The following FYCO1 variants were observed in gnomAD, a reference collection of about 807,000 sequenced individuals.
FYCO1 encodes FYVE and coiled-coil domain-containing protein 1.
A neutral mutation model predicts 165.1 loss-of-function variants in FYCO1; 122 were observed. The ratio of observed to expected loss-of-function variants is 0.74; its 90% CI spans 0.64 to 0.86. FYCO1 has a LOEUF of 0.86. Among genes scored for constraint, FYCO1 ranks in the 40% least tolerant of loss-of-function variants. FYCO1 has a pLI of 0.00. For synonymous variants in FYCO1, 648 were observed against 742.5 expected (o/e 0.87, Z 2.07); for missense variants, 1,702 against 1,810.3 (o/e 0.94, Z 1.09).
Position 45,931,098 on chromosome 3 carries a change from G to C in FYCO1, c.4224C>G (p.Ala1408=), listed in dbSNP as rs1371687015. ...TACACTGATCCAGCGGTGTGTCCTC[G>C]GCCTCCTGGAAGACCACACTGAAGG... The part of the protein sequence containing the change: ...SISFSVVFQE[A]EDTPLDQCKV... The change falls in exon 16 of 18, where the codon GCC becomes GCG. Residue 1408 remains alanine (A), a synonymous_variant. Coordinates refer to ENST00000296137, the MANE Select transcript of FYCO1 (RefSeq NM_024513.4). The C allele has an allele frequency of 6.2e-7, 1 of 1,613,750 alleles. No homozygotes were observed. The highest frequency in any genetic ancestry group is 1.1e-5 in the South Asian group (1 of 91,054).
intron 13 of FYCO1, 49 bp from the exon 14 acceptor site, chr3:45,955,442 T>A: frequency 1.2e-6 from 2 of 1,609,994 alleles, no homozygotes; most frequent in Non-Finnish European, 1.7e-6. Context: ...CACACTGTTA[T>A]GCATAGGCTG....
In FYCO1 at chr3:45,984,951, T is replaced by C; in HGVS notation, c.-41A>G. ...CTTGTCTGTATGTCTCCTGCCTGGG[T>C]CCAGAGGAAGGCTCAGAATTTCGGC... is the stretch of plus-strand genomic sequence containing the variant. On this transcript the variant is annotated 5_prime_UTR_variant, in exon 2 of 18. Coordinates refer to ENST00000296137, the MANE Select transcript of FYCO1 (RefSeq NM_024513.4). 6.2e-7 allele frequency: 1 copy of C among 1,610,388 alleles called. No homozygotes were observed. Among genetic ancestry groups the C allele is most frequent in the South Asian group, 1.1e-5 (1 of 90,988 alleles).
chr3:45,962,478 G>T lies in FYCO1; in HGVS notation c.3270-86C>A. 1 of 1,241,754 alleles carries T rather than the reference G, an allele frequency of 8.1e-7. No homozygotes were observed. The allele number at this position is 1,241,754 out of a possible 1,614,324, so 76.9% of individuals were successfully genotyped here. On this transcript the variant is annotated intron_variant, in intron 10 of 17. Transcript: ENST00000296137. This position sits in a 1 kb window ranked among gnomAD's most constrained non-coding sequence, Gnocchi z 4.4. ...AAGCTCACCCAGGACTCTAATGAGG[G>T]GTGCTACTGCCCTCCGCCATGGGGG...
chr3:45,973,060 T>C, intron 6 of FYCO1, 28 bp downstream of exon 6: 1 of 1,613,806 alleles, frequency 6.2e-7, no homozygotes, highest in Non-Finnish European at 8.5e-7. Context: ...TTTTCCTGTC[T>C]TTTAAACCAA....
At chr3:45,983,791 C>T (rs937277002) in intron 2 of FYCO1, among the ~76,000 whole-genome samples, 1 of 152,192 alleles carries the variant, frequency 6.6e-6, no homozygotes, top group African/African-American at 2.4e-5. Flanking sequence ...TGGTTAGGAG[C>T]ATAGACTGGT....
At chr3:45,990,922 G>A (rs550083771) in intron 1 of FYCO1, among the ~76,000 whole-genome samples, 25 of 152,106 alleles carry the variant, frequency 1.6e-4, no homozygotes, top group African/African-American at 4.6e-4. Flanking sequence ...ACAGGCGCAC[G>A]CCACCACGAC....
At chr3:45,921,897 G>T in intron 17 of FYCO1, 57 bp from the exon 18 acceptor site, 3 of 1,156,674 alleles carry the variant, frequency 2.6e-6, no homozygotes, top group Non-Finnish European at 1.3e-6. Context: ...AGTCCGAGGG[G>T]TGGCAGCTGC....
In FYCO1 at chr3:45,931,139, C is replaced by A. The variant is rs1559440934; in HGVS notation, c.4183G>T (p.Asp1395Tyr). 6.2e-7 allele frequency: 1 copy of A among 1,613,868 alleles called. No individual in the cohort carries two copies. The highest frequency in any genetic ancestry group is 8.5e-7 in the Non-Finnish European group (1 of 1,179,908). Residue 1395 changes from aspartate (D) to tyrosine (Y), a missense_variant, in exon 16 of 18, where the codon GAC (aspartate) becomes TAC (tyrosine). Coordinates refer to ENST00000296137, the MANE Select transcript of FYCO1 (RefSeq NM_024513.4). ...ACACTGAAGGAGATGCTCTTGGGGT[C>A]AGAGGAGAAGACCCAGCTGATGGTG... ...GLTISWVFSSDPKSISFSVVF... is the reference protein window; with the variant it reads ...GLTISWVFSSYPKSISFSVVF...
At chr3:45,923,805 T>A in intron 16 of FYCO1, 40 bp from the exon 17 acceptor site, 1 of 1,337,680 alleles carries the variant, frequency 7.5e-7, no homozygotes, top group Non-Finnish European at 1.1e-6. Flanking sequence ...TCACAGAGGC[T>A]GAGAGGGCCC....
intron 2 of FYCO1, among the ~76,000 whole-genome samples, chr3:45,983,114 G>T (rs1355526511): frequency 6.6e-6 from 1 of 152,216 alleles, no homozygotes; most frequent in African/African-American, 2.4e-5. Flanking sequence ...TGAGAAGTGG[G>T]TGTTATCATC....
rs772727364 is a variant in FYCO1 at position 45,967,214 on chromosome 3, C to T, written c.2120G>A (p.Gly707Asp). Residue 707 changes from glycine (G) to aspartate (D), a missense_variant, in exon 8 of 18, where the codon GGC (glycine) becomes GAC (aspartate). Transcript: ENST00000296137. The part of the protein sequence containing the change: ...EKEAILQSKE[G>D]ECQQLREEVE... ...CTCCTCCCGCAGCTGCTGACACTCGCCCTCCTTGCTCTGTAGAATGGCCTC... is the reference window on the plus strand; with the variant it reads ...CTCCTCCCGCAGCTGCTGACACTCGTCCTCCTTGCTCTGTAGAATGGCCTC... 6.2e-7 allele frequency: 1 copy of T among 1,614,054 alleles called. No homozygotes were observed. The highest frequency in any genetic ancestry group is 1.1e-5 in the South Asian group (1 of 91,086).
chr3:45,974,451 A>T (rs553186275), intron 5 of FYCO1, among the ~76,000 whole-genome samples: 1 of 152,244 alleles, frequency 6.6e-6, no homozygotes, highest in African/African-American at 2.4e-5. Context: ...TTCAGCTCAC[A>T]TCAATTCACA....
Position 45,962,157 on chromosome 3 carries a change from C to G in FYCO1, c.3437+68G>C. The G allele has an allele frequency of 6.6e-7, 1 of 1,522,796 alleles. No individual in the cohort carries two copies. The highest frequency in any genetic ancestry group is 9.1e-7 in the Non-Finnish European group (1 of 1,097,324). 94.3% of individuals were successfully genotyped at this position (1,522,796 alleles called of 1,614,324 possible). A position where few individuals can be genotyped will look rare whatever the true frequency, so the allele number is the denominator to read the frequency against. On this transcript the variant is annotated intron_variant, in intron 11 of 17. Transcript: ENST00000296137. This position sits in a 1 kb window ranked among gnomAD's most constrained non-coding sequence, Gnocchi z 4.4. The stretch of plus-strand genomic sequence containing the variant: ...TTCTGAAGTATGCTTTCAAGAACAG[C>G]TGCATTTCTTTAGAGAAAAACCCCA...
chr3:45,949,372 C>T (rs1187947939), intron 14 of FYCO1, among the ~76,000 whole-genome samples: 1 of 152,218 alleles, frequency 6.6e-6, no homozygotes, highest in Admixed American at 6.5e-5. Flanking sequence ...GACAGAGGGG[C>T]CACCAGTCCC....
intron 12 of FYCO1, among the ~76,000 whole-genome samples, chr3:45,958,947 C>T (rs1299219428): frequency 1.3e-5 from 2 of 152,238 alleles, no homozygotes; most frequent in African/African-American, 2.4e-5. Context: ...CACAGCTCTG[C>T]TGATTATTCT....
At chr3:45,975,812 A>C (rs904634) in intron 4 of FYCO1, among the ~76,000 whole-genome samples, 129,090 of 152,144 alleles carry the variant, frequency 0.85, 55,357 homozygotes, top group East Asian at 1. Context: ...TCAGCTAATG[A>C]TGGTTTGTTT....
intron 7 of FYCO1, among the ~76,000 whole-genome samples, chr3:45,969,295 T>G (rs1163287699): frequency 6.6e-6 from 1 of 152,254 alleles, no homozygotes; most frequent in Non-Finnish European, 1.5e-5. Context: ...AAGAAGTGCA[T>G]GCGCACTCCT....
At position 45,991,764 on chromosome 3, in the gene FYCO1, AG is replaced by A. The variant is rs1219856442; in HGVS notation, c.-113+3957del. 3.3e-5 allele frequency among the ~76,000 whole-genome samples: 5 copies of A among 152,186 alleles called. 1 individual carries two copies. The highest frequency in any genetic ancestry group is 5.9e-5 in the Non-Finnish European group (4 of 68,040). ...ACCCTGCTAACCCAAACCTCCTGTC[AG>A]GGGGTGAATTGTGCACACCACCCCA... is the stretch of plus-strand genomic sequence containing the variant. On this transcript the variant is annotated intron_variant, in intron 1 of 17. Transcript: ENST00000296137.
At chr3:45,969,042 C>T (rs963688446) in intron 7 of FYCO1, among the ~76,000 whole-genome samples, 6 of 152,174 alleles carry the variant, frequency 3.9e-5, no homozygotes, top group Middle Eastern at 3.2e-3. Flanking sequence ...TTGTGCCATA[C>T]CCGTAACTGC....
Sources: allele counts gnomAD v4.1 joint callset (sites outside exome capture counted in the v4.1 genomes callset), GRCh38; gene constraint gnomAD v4.1.1; non-coding constraint Gnocchi (gnomAD v3.1); transcripts MANE v1.5; gene names NCBI Gene and HGNC (gene_info 2026-07-23, HGNC 2026-07-21).